The following MAPKAP1 variants were observed in gnomAD, a reference collection of about 807,000 sequenced individuals.
MAPKAP1 encodes target of rapamycin complex 2 subunit MAPKAP1.
In MAPKAP1, 20 loss-of-function variants were observed where a neutral mutation model predicts 65.7. That is an observed-to-expected ratio of 0.30 (90% CI 0.21 to 0.44). The LOEUF (loss-of-function observed/expected upper bound fraction) is 0.44. Ranked by LOEUF, MAPKAP1 falls within the 20% of genes least tolerant of loss-of-function variation. The probability of loss-of-function intolerance (pLI) is 1.00; values close to 1 mark genes in which losing one functional copy is unlikely to be tolerated. For missense variants in MAPKAP1, 423 were observed against 648.0 expected (o/e 0.65, Z 3.77); for synonymous variants, 222 against 244.3 (o/e 0.91, Z 0.85).
chr9:125,453,518 G>A (rs1853042697), intron 10 of MAPKAP1, among the ~76,000 whole-genome samples: 1 of 152,204 alleles, frequency 6.6e-6, no homozygotes, highest in Admixed American at 6.5e-5. Context: ...GGAAAAGTGA[G>A]GCATATTTTA....
intron 1 of MAPKAP1, among the ~76,000 whole-genome samples, chr9:125,679,341 C>T (rs2131818842): frequency 6.6e-6 from 1 of 152,242 alleles, no homozygotes; most frequent in East Asian, 1.9e-4. Flanking sequence ...TCATTTGTAT[C>T]TAAGGCCTGA....
intron 4 of MAPKAP1, among the ~76,000 whole-genome samples, chr9:125,653,018 C>T (rs1833936041): frequency 6.6e-6 from 1 of 152,170 alleles, no homozygotes; most frequent in South Asian, 2.1e-4. Context: ...CTGTGTCATC[C>T]CTTTACAAAG....
intron 6 of MAPKAP1, among the ~76,000 whole-genome samples, chr9:125,547,174 T>C (rs989084861): frequency 6.6e-6 from 1 of 152,140 alleles, no homozygotes; most frequent in Admixed American, 6.5e-5. Context: ...CCAAAAAAGT[T>C]TGTATGCCAG....
At chr9:125,587,360 G>A (rs1831819915) in intron 4 of MAPKAP1, among the ~76,000 whole-genome samples, 1 of 152,224 alleles carries the variant, frequency 6.6e-6, no homozygotes, top group Non-Finnish European at 1.5e-5. Flanking sequence ...GAGGTCAGGA[G>A]TTTGAGACCA....
At chr9:125,445,545 C>T (rs894778932) in intron 10 of MAPKAP1, among the ~76,000 whole-genome samples, 1 of 152,254 alleles carries the variant, frequency 6.6e-6, no homozygotes, top group East Asian at 1.9e-4. Flanking sequence ...GTACCGTGGC[C>T]CTCCAAAGGA....
In MAPKAP1 at chr9:125,491,159, T is replaced by G. The variant is rs536427655; in HGVS notation, c.1067-6576A>C. 4.6e-3 allele frequency among the ~76,000 whole-genome samples: 662 copies of G among 142,876 alleles called. 4 individuals are homozygous for G. Among genetic ancestry groups the G allele is most frequent in the African/African-American group, 0.017 (620 of 36,772 alleles). 93.7% of individuals were successfully genotyped at this position (142,876 alleles called of 152,430 possible). ...CGTCTCAAAAAAAAAAAAAAAAAAT[T>G]TAGGCCAGGTGCGGTGGCTTATGAA... On this transcript the variant is annotated intron_variant, in intron 8 of 11. Coordinates refer to ENST00000265960, the MANE Select transcript of MAPKAP1 (RefSeq NM_001006617.3).
chr9:125,674,670 G>A (rs1834593027), intron 1 of MAPKAP1, among the ~76,000 whole-genome samples: 1 of 152,116 alleles, frequency 6.6e-6, no homozygotes, highest in African/African-American at 2.4e-5. Flanking sequence ...CTTAAAGTGG[G>A]TCTTAAAATA....
At chr9:125,702,962 G>A (rs570727176) in intron 1 of MAPKAP1, among the ~76,000 whole-genome samples, 1 of 152,256 alleles carries the variant, frequency 6.6e-6, no homozygotes, top group East Asian at 1.9e-4. Context: ...ATTCAAGGCT[G>A]TAGTGAGCTA....
rs542446859 is a variant in MAPKAP1, at chr9:125,697,353, ATTTG to A, written c.-70+9614_-70+9617del. Among the ~76,000 whole-genome samples the A allele has an allele frequency of 5.6e-3, 847 of 152,354 alleles. 2 individuals carry two copies. Among genetic ancestry groups the A allele is most frequent in the Middle Eastern group, 0.017 (5 of 294 alleles). On this transcript the variant is annotated intron_variant, in intron 1 of 11. Coordinates refer to ENST00000265960, the MANE Select transcript of MAPKAP1 (RefSeq NM_001006617.3). ...TTAAACTATGATTTATTTTTAAATA[ATTTG>A]TTTATCAAAGAACATTTCTAAAACT...
chr9:125,613,304 A>G lies in MAPKAP1; in HGVS notation c.499-27577T>C, dbSNP rs140141401. On this transcript the variant is annotated intron_variant, in intron 4 of 11. Coordinates refer to ENST00000265960, the MANE Select transcript of MAPKAP1 (RefSeq NM_001006617.3). ...TTCCCTCTTTTCAGGAATAAAGCGC[A>G]TATTTCCCAACTGCTGGAAGGAATG... is the stretch of plus-strand genomic sequence containing the variant. Among the ~76,000 whole-genome samples, 1,165 of 152,322 alleles carry G rather than the reference A, an allele frequency of 7.6e-3. 4 individuals carry two copies. Among genetic ancestry groups the G allele is most frequent in the Non-Finnish European group, 0.011 (767 of 68,022 alleles).
At chr9:125,678,401 C>T (rs999997890) in intron 1 of MAPKAP1, among the ~76,000 whole-genome samples, 1 of 152,102 alleles carries the variant, frequency 6.6e-6, no homozygotes, top group African/African-American at 2.4e-5. Flanking sequence ...CGCCACCACG[C>T]CTGGCTAATT....
chr9:125,676,262 G>A lies in MAPKAP1; in HGVS notation c.-69-3619C>T, dbSNP rs567060294. On this transcript the variant is annotated intron_variant, in intron 1 of 11. Transcript: ENST00000265960. Reference sequence around the variant, plus strand: ...ATCCTACTTCTAGGATTTGTTCTAAGGAGATAATTGTGTAAAATATTTATC... The same window carrying A: ...ATCCTACTTCTAGGATTTGTTCTAAAGAGATAATTGTGTAAAATATTTATC... Among the ~76,000 whole-genome samples, 3 of 152,244 alleles carry A rather than the reference G, an allele frequency of 2.0e-5. No homozygotes were observed. In the South Asian group the frequency reaches 6.2e-4, roughly 32 times the overall value.
rs1835289480 is a variant in MAPKAP1 at position 125,693,768 on chromosome 9, TAC to T, written c.-70+13201_-70+13202del. Reference sequence around the variant, plus strand: ...ATATATACACATATATACACGTATATACACATATATACACGTATATATATACA... The same window carrying T: ...ATATATACACATATATACACGTATATACATATATACACGTATATATATACA... On this transcript the variant is annotated intron_variant, in intron 1 of 11. Coordinates refer to ENST00000265960, the MANE Select transcript of MAPKAP1 (RefSeq NM_001006617.3). Among the ~76,000 whole-genome samples, 9 of 150,018 alleles carry T rather than the reference TAC, an allele frequency of 6.0e-5. No homozygotes were observed. In the South Asian group the frequency reaches 1.7e-3, roughly 28 times the overall value.
At chr9:125,698,731 T>C (rs529396105) in intron 1 of MAPKAP1, among the ~76,000 whole-genome samples, 1 of 152,138 alleles carries the variant, frequency 6.6e-6, no homozygotes, top group Non-Finnish European at 1.5e-5. Flanking sequence ...TAACATAATA[T>C]CCCTTTTCTA....
chr9:125,561,323 T>C (rs913451498), intron 5 of MAPKAP1, among the ~76,000 whole-genome samples: 4 of 152,230 alleles, frequency 2.6e-5, no homozygotes, highest in African/African-American at 7.2e-5. Flanking sequence ...AGGCGATCTA[T>C]ACTCAGTGAG....
At chr9:125,557,094 CA>C (rs1830757689) in intron 6 of MAPKAP1, among the ~76,000 whole-genome samples, 1 of 152,064 alleles carries the variant, frequency 6.6e-6, no homozygotes, top group African/African-American at 2.4e-5. Flanking sequence ...AATTCAGGAT[CA>C]AAAAACAGAG....
At chr9:125,587,439 G>A (rs1234214791) in intron 4 of MAPKAP1, among the ~76,000 whole-genome samples, 2 of 152,084 alleles carry the variant, frequency 1.3e-5, no homozygotes, top group Non-Finnish European at 2.9e-5. Flanking sequence ...GATGGCAGGC[G>A]CCTGTATTGC....
chr9:125,559,862 A>G (rs1192544010), intron 5 of MAPKAP1, 53 bp from the exon 6 acceptor site: 4 of 1,555,184 alleles, frequency 2.6e-6, no homozygotes, highest in Non-Finnish European at 3.5e-6. Context: ...AAGGGACAAG[A>G]AGACCAGAGG....
At chr9:125,560,382 TCAAGACTA>T (rs1830857037) in intron 5 of MAPKAP1, among the ~76,000 whole-genome samples, 1 of 151,906 alleles carries the variant, frequency 6.6e-6, no homozygotes, top group Admixed American at 6.6e-5. Context: ...TCCCAGGAGT[TCAAGACTA>T]GCTAGGCAAC....
Sources: allele counts gnomAD v4.1 joint callset (sites outside exome capture counted in the v4.1 genomes callset), GRCh38; gene constraint gnomAD v4.1.1; transcripts MANE v1.5; gene names NCBI Gene and HGNC (gene_info 2026-07-23, HGNC 2026-07-21).